DSC1: variants seen among roughly 807,000 people sequenced by gnomAD.
DSC1 encodes the protein desmocollin-1.
In DSC1, 79 loss-of-function variants were observed where a neutral mutation model predicts 98.8. The observed-to-expected ratio is 0.80, with a 90% CI of 0.67 to 0.96. DSC1 has a LOEUF of 0.96. Among genes scored for constraint, DSC1 ranks in the 50% least tolerant of loss-of-function variants. The pLI is 0.00. For synonymous variants in DSC1, 405 were observed against 372.1 expected, an observed-to-expected ratio of 1.09 and a Z score of -1.02; for missense variants, 1,115 against 1,075.9, an observed-to-expected ratio of 1.04 and a Z score of -0.51.
At chr18:31,149,423 C>T (rs957191073) in intron 5 of DSC1, among the ~76,000 whole-genome samples, 2 of 152,190 alleles carry the variant, frequency 1.3e-5, no homozygotes, top group African/African-American at 4.8e-5. Flanking sequence ...TTCCAGGCAT[C>T]AAACTCCTCC....
intron 11 of DSC1, among the ~76,000 whole-genome samples, chr18:31,137,034 G>A (rs2577079): frequency 0.68 from 102,814 of 152,042 alleles, 37,914 homozygotes; most frequent in Non-Finnish European, 0.83. Context: ...TACATCTTGG[G>A]TTAACTAAAA....
chr18:31,155,247 C>T (rs1260376334), intron 4 of DSC1, among the ~76,000 whole-genome samples: 6 of 151,958 alleles, frequency 3.9e-5, no homozygotes, highest in Admixed American at 6.6e-5. Flanking sequence ...TAACAGTTTC[C>T]GTGATTTTGA....
chr18:31,134,426 T>G, intron 12 of DSC1, 146 bp downstream of exon 12: 1 of 826,656 alleles, frequency 1.2e-6, no homozygotes, highest in Non-Finnish European at 1.8e-6. Flanking sequence ...GGCACTAATT[T>G]TTTTTAAAGA....
chr18:31,131,733 A>C lies in DSC1; in HGVS notation c.2348T>G (p.Val783Gly). The C allele has an allele frequency of 6.2e-7, 1 of 1,614,052 alleles. No homozygotes were observed. The highest frequency in any genetic ancestry group is 8.5e-7 in the Non-Finnish European group (1 of 1,179,976). ...GGAATCCAAAGTGTAGCCTCCTTTG[A>C]CCATCTCAAAACTTTGCTGTGTTTT... is the stretch of plus-strand genomic sequence containing the variant. Reference protein sequence around the residue: ...GIKTQQSFEMVKGGYTLDSNK... With the variant: ...GIKTQQSFEMGKGGYTLDSNK... Residue 783 changes from valine to glycine, a missense_variant, in exon 15 of 16, where the codon GTC becomes GGC. Val to Gly is a moderately radical substitution (Grantham distance 109). Coordinates refer to ENST00000257198, the MANE Select transcript of DSC1 (RefSeq NM_024421.2).
Position 31,134,789 on chromosome 18 carries a change from G to T in DSC1, c.1664-5C>A. 5 of 1,600,226 alleles carry T rather than the reference G, an allele frequency of 3.1e-6. No homozygotes were observed. The highest frequency in any genetic ancestry group is 4.3e-6 in the Non-Finnish European group (5 of 1,169,880). On this transcript the variant is annotated splice_polypyrimidine_tract_variant and splice_region_variant and intron_variant, in intron 11 of 15. Transcript: ENST00000257198. The stretch of plus-strand genomic sequence containing the variant: ...TTCCAGTGCAAGATCGGCCAACTAA[G>T]ATTAATTAAAAATAGGTTATTTCTT...
At chr18:31,137,508 G>A (rs1988636346) in intron 11 of DSC1, among the ~76,000 whole-genome samples, 1 of 152,068 alleles carries the variant, frequency 6.6e-6, no homozygotes, top group East Asian at 1.9e-4. Flanking sequence ...CCTGCACTGT[G>A]CATATGTATA....
Position 31,131,595 on chromosome 18 carries a change from T to C in DSC1, c.2486A>G (p.Glu829Gly). The C allele has an allele frequency of 1.2e-6, 2 of 1,614,046 alleles. No homozygotes were observed. Among genetic ancestry groups the C allele is most frequent in the Non-Finnish European group, 8.5e-7 (1 of 1,179,930 alleles). The change falls in exon 15 of 16, where the codon GAA (glutamate) becomes GGA (glycine). Residue 829 changes from glutamate (E) to glycine (G), a missense_variant and splice_region_variant. Coordinates refer to ENST00000257198, the MANE Select transcript of DSC1 (RefSeq NM_024421.2). ...GACCTCAAAGACAGTGGAACTTACT[T>C]CGCCAAGCCGAGGTTGGGTGAAACT... Reference protein sequence around the residue: ...WQSFTQPRLGEKVYLCGQDEE... With the variant: ...WQSFTQPRLGGKVYLCGQDEE...
intron 5 of DSC1, among the ~76,000 whole-genome samples, chr18:31,149,244 G>T (rs1988912035): frequency 6.6e-6 from 1 of 152,076 alleles, no homozygotes; most frequent in South Asian, 2.1e-4. Context: ...TTCCTTATGT[G>T]GTTTGTGCAT....
At chr18:31,134,426 T>A (rs1392046873) in intron 12 of DSC1, 146 bp downstream of exon 12, 16 of 826,538 alleles carry the variant, frequency 1.9e-5, no homozygotes, top group African/African-American at 5.2e-5. Context: ...GGCACTAATT[T>A]TTTTTAAAGA....
rs1988459203 is a variant in DSC1, at chr18:31,130,465, T to C, written c.*49A>G. ...GATGCTGCTAACATTCTGCAAGTAATAAATTCCTACTTATGCATCTGTGGA... is the reference window on the plus strand; with the variant it reads ...GATGCTGCTAACATTCTGCAAGTAACAAATTCCTACTTATGCATCTGTGGA... On this transcript the variant is annotated 3_prime_UTR_variant, in exon 16 of 16. Transcript: ENST00000257198. The C allele has an allele frequency of 6.3e-7, 1 of 1,598,032 alleles. No individual in the cohort carries two copies. The highest frequency in any genetic ancestry group is 2.2e-5 in the East Asian group (1 of 44,688).
At chr18:31,146,029 C>T (rs1467320684) in intron 6 of DSC1, among the ~76,000 whole-genome samples, 1 of 152,156 alleles carries the variant, frequency 6.6e-6, no homozygotes, top group Admixed American at 6.5e-5. Flanking sequence ...CCACACTACC[C>T]TTAGAAACAG....
intron 14 of DSC1, 32 bp downstream of exon 14, chr18:31,132,536 T>C: frequency 6.2e-7 from 1 of 1,610,432 alleles, no homozygotes; most frequent in Non-Finnish European, 8.5e-7. Flanking sequence ...TTGTTCACCG[T>C]ACAATTCAAA....
At chr18:31,151,434 G>A (rs114926637) in intron 5 of DSC1, among the ~76,000 whole-genome samples, 1,758 of 152,182 alleles carry the variant, frequency 0.012, 40 homozygotes, top group African/African-American at 0.04. Context: ...AAACTCAATA[G>A]AGGTAATGGT....
Position 31,132,010 on chromosome 18 carries a change from C to T in DSC1, c.2239-168G>A. The T allele has an allele frequency of 2.6e-6, 2 of 780,558 alleles. 1 individual carries two copies. The highest frequency in any genetic ancestry group is 3.7e-5 in the South Asian group (2 of 53,726). The allele number at this position is 780,558 out of a possible 1,614,324, so 48.4% of individuals were successfully genotyped here. A position where few individuals can be genotyped will look rare whatever the true frequency, so the allele number is the denominator to read the frequency against. ...GGTGTGATGGGTTGAATTGAGTCCC[C>T]TAAAAATTCATATGCCCTAACCCTC... On this transcript the variant is annotated intron_variant, in intron 14 of 15. Transcript: ENST00000257198.
At chr18:31,156,260 CA>C in intron 3 of DSC1, 98 bp from the exon 4 acceptor site, 1 of 1,411,650 alleles carries the variant, frequency 7.1e-7, no homozygotes, top group Non-Finnish European at 9.6e-7. Context: ...GTAAGGGTTA[CA>C]CATTACAATA....
chr18:31,132,466 G>T, intron 14 of DSC1, 102 bp downstream of exon 14: 3 of 1,476,932 alleles, frequency 2.0e-6, no homozygotes, highest in South Asian at 2.6e-5. Context: ...AGCATAGTAA[G>T]TGCTCAATAA....
At chr18:31,158,587 A>C (rs1368566671) in intron 2 of DSC1, among the ~76,000 whole-genome samples, 1 of 152,188 alleles carries the variant, frequency 6.6e-6, no homozygotes, top group African/African-American at 2.4e-5. Flanking sequence ...GATGAAAAAA[A>C]TTTTACGTTT....
At position 31,133,879 on chromosome 18, in the gene DSC1, TAA is replaced by T; in HGVS notation, c.2116+10_2116+11del. The T allele has an allele frequency of 6.2e-7, 1 of 1,602,638 alleles. No homozygotes were observed. The highest frequency in any genetic ancestry group is 8.5e-7 in the Non-Finnish European group (1 of 1,174,004). On this transcript the variant is annotated intron_variant, in intron 13 of 15. Transcript: ENST00000257198. ...CTAACACATTCTAGATAATGATACT[TAA>T]TATACTTACATAATAACAATACAGA...
chr18:31,136,392 C>A (rs1227802809), intron 11 of DSC1, among the ~76,000 whole-genome samples: 1 of 151,788 alleles, frequency 6.6e-6, no homozygotes, highest in Non-Finnish European at 1.5e-5. Flanking sequence ...TTTAAAAATC[C>A]AAAAAAAGTG....
Sources: allele counts gnomAD v4.1 joint callset (sites outside exome capture counted in the v4.1 genomes callset), GRCh38; gene constraint gnomAD v4.1.1; transcripts MANE v1.5; gene names NCBI Gene and HGNC (gene_info 2026-07-23, HGNC 2026-07-21).